Variants in TC2N observed in about 807,000 individuals in gnomAD.
TC2N encodes the protein tandem C2 domains nuclear protein.
Under a neutral mutation model 61.9 loss-of-function variants are expected in TC2N, and 51 were observed. The observed-to-expected ratio is 0.82, with a 90% CI of 0.66 to 1.04. The LOEUF (loss-of-function observed/expected upper bound fraction) is 1.04, where lower values mean the gene tolerates loss of function less well. TC2N is among the 50% of genes least tolerant of loss of function. The probability of loss-of-function intolerance (pLI) is 0.00; values close to 1 mark genes in which losing one functional copy is unlikely to be tolerated. For missense variants in TC2N, 556 were observed against 566.7 expected (o/e 0.98, Z 0.19); for synonymous variants, 204 against 192.6 (o/e 1.06, Z -0.49).
At chr14:91,857,925 T>A (rs1888513043) in intron 1 of TC2N, among the ~76,000 whole-genome samples, 2 of 152,042 alleles carry the variant, frequency 1.3e-5, no homozygotes, top group Non-Finnish European at 1.5e-5. Flanking sequence ...CAGAACAGAG[T>A]AGAAGCTTGA....
At chr14:91,818,855 T>A (rs1306267661) in intron 1 of TC2N, among the ~76,000 whole-genome samples, 1 of 151,786 alleles carries the variant, frequency 6.6e-6, no homozygotes, top group Admixed American at 6.6e-5. Flanking sequence ...AAGACTAACA[T>A]CAAAATGATA....
At chr14:91,800,471 T>C (rs1055213074) in intron 4 of TC2N, 99 bp from the exon 5 acceptor site, 2 of 587,290 alleles carry the variant, frequency 3.4e-6, no homozygotes, top group African/African-American at 3.9e-5. Flanking sequence ...TCATGAATAT[T>C]TTGTGCAAAT....
chr14:91,792,965 G>C (rs182896218), intron 8 of TC2N, among the ~76,000 whole-genome samples: 1 of 152,206 alleles, frequency 6.6e-6, no homozygotes, highest in African/African-American at 2.4e-5. Context: ...TATCTAACTT[G>C]TTCACATAAA....
chr14:91,794,333 C>T (rs1885798065), intron 8 of TC2N, among the ~76,000 whole-genome samples: 1 of 152,188 alleles, frequency 6.6e-6, no homozygotes, highest in Non-Finnish European at 1.5e-5. Context: ...CATTCAACAA[C>T]AGATTTTCAA....
At chr14:91,787,038 C>T (rs1265526153) in intron 10 of TC2N, among the ~76,000 whole-genome samples, 1 of 152,102 alleles carries the variant, frequency 6.6e-6, no homozygotes, top group African/African-American at 2.4e-5. Context: ...GCACTTCTGC[C>T]CACTCAAATC....
At chr14:91,784,791 A>C (rs899501980) in intron 11 of TC2N, among the ~76,000 whole-genome samples, 1 of 152,178 alleles carries the variant, frequency 6.6e-6, no homozygotes, top group Non-Finnish European at 1.5e-5. Context: ...CATGTTAAAC[A>C]TTAAATCAAA....
chr14:91,851,207 G>C (rs1888368547), intron 1 of TC2N, among the ~76,000 whole-genome samples: 1 of 152,180 alleles, frequency 6.6e-6, no homozygotes, highest in Non-Finnish European at 1.5e-5. Context: ...GCTGCAAAAA[G>C]ATTGGGGACC....
At chr14:91,832,544 A>G (rs943923336) in intron 1 of TC2N, among the ~76,000 whole-genome samples, 2 of 152,176 alleles carry the variant, frequency 1.3e-5, no homozygotes, top group Non-Finnish European at 2.9e-5. Flanking sequence ...ACCATTTCTC[A>G]CCCGATTGTC....
intron 1 of TC2N, among the ~76,000 whole-genome samples, chr14:91,862,882 G>GAAC (rs895317837): frequency 6.6e-6 from 1 of 152,156 alleles, no homozygotes; most frequent in African/African-American, 2.4e-5. Context: ...AGTTCCAACA[G>GAAC]AACAACAACA....
In TC2N at chr14:91,800,271, G is replaced by T. The variant is rs1421136422; in HGVS notation, c.561+10C>A. On this transcript the variant is annotated intron_variant, in intron 5 of 11. Coordinates refer to ENST00000435962, the MANE Select transcript of TC2N (RefSeq NM_001128596.3). ...TATCACATATAATTAAATTTATGTAGATAATTCACCTGGATGAATCGCTGA... is the reference window on the plus strand; with the variant it reads ...TATCACATATAATTAAATTTATGTATATAATTCACCTGGATGAATCGCTGA... 6.5e-7 allele frequency: 1 copy of T among 1,528,820 alleles called. No individual in the cohort carries two copies. Among genetic ancestry groups the T allele is most frequent in the South Asian group, 1.2e-5 (1 of 82,920 alleles). The allele number at this position is 1,528,820 out of a possible 1,614,324, so 94.7% of individuals were successfully genotyped here.
intron 11 of TC2N, 89 bp downstream of exon 11, chr14:91,785,073 T>C (rs567569276): frequency 2.3e-6 from 2 of 882,174 alleles, no homozygotes; most frequent in Non-Finnish European, 3.5e-6. Flanking sequence ...TGTACTCTAT[T>C]TGACTTTAAT....
At chr14:91,853,605 C>T (rs1490427046) in intron 1 of TC2N, among the ~76,000 whole-genome samples, 3 of 148,330 alleles carry the variant, frequency 2.0e-5, no homozygotes, top group African/African-American at 5.0e-5. Flanking sequence ...GTTCATGCTG[C>T]CCTTCACTGA....
chr14:91,802,416 C>G lies in TC2N; in HGVS notation c.307G>C (p.Ala103Pro). Residue 103 changes from alanine to proline, a missense_variant, in exon 4 of 12, where the codon GCC becomes CCC. Physicochemically the swap from Ala to Pro is conservative, Grantham distance 27. Coordinates refer to ENST00000435962, the MANE Select transcript of TC2N (RefSeq NM_001128596.3). ...TTTCGATCTCCAAAAGATGCTCTGG[C>G]AGATCCTGAAAGCAAATGTTTCTAA... The part of the protein sequence containing the change: ...PSHLEELEGS[A>P]RASFGDRKVE... The G allele has an allele frequency of 6.2e-7, 1 of 1,608,816 alleles. No homozygotes were observed.
rs1885166958 is a variant in TC2N at position 91,782,292 on chromosome 14, A to G, written c.*808T>C. 6.6e-6 allele frequency: 1 copy of G among 152,048 alleles called. No individual in the cohort carries two copies. Among genetic ancestry groups the G allele is most frequent in the Admixed American group, 6.6e-5 (1 of 15,264 alleles). 9.4% of individuals were successfully genotyped at this position (152,048 alleles called of 1,614,324 possible). On this transcript the variant is annotated 3_prime_UTR_variant, in exon 12 of 12. Coordinates refer to ENST00000435962, the MANE Select transcript of TC2N (RefSeq NM_001128596.3). The stretch of plus-strand genomic sequence containing the variant: ...ACGAAGTGATTATCATAAAATACTG[A>G]ATTTTCTATTTAAGCTCATTTAATT...
chr14:91,800,890 G>A (rs1886200116), intron 4 of TC2N, among the ~76,000 whole-genome samples: 1 of 151,606 alleles, frequency 6.6e-6, no homozygotes, highest in African/African-American at 2.4e-5. Context: ...CCTTAAATAA[G>A]CATTTCTTCT....
intron 1 of TC2N, among the ~76,000 whole-genome samples, chr14:91,816,938 T>C (rs1262236856): frequency 6.6e-6 from 1 of 151,898 alleles, no homozygotes; most frequent in African/African-American, 2.4e-5. Context: ...TTATAACATG[T>C]AGCAAGACAA....
chr14:91,857,775 G>A (rs150534387), intron 1 of TC2N, among the ~76,000 whole-genome samples: 2 of 152,152 alleles, frequency 1.3e-5, no homozygotes, highest in African/African-American at 4.8e-5. Flanking sequence ...TTCCTCTAAA[G>A]AACCAGAGTG....
chr14:91,831,379 C>T (rs1471790987), intron 1 of TC2N, among the ~76,000 whole-genome samples: 2 of 152,096 alleles, frequency 1.3e-5, no homozygotes, highest in East Asian at 1.9e-4. Context: ...AATTAAATAA[C>T]ACATTTTATT....
intron 2 of TC2N, among the ~76,000 whole-genome samples, chr14:91,812,779 GC>G (rs1886841361): frequency 6.6e-6 from 1 of 151,818 alleles, no homozygotes. Flanking sequence ...GGTAAAAGCA[GC>G]TTTAAAGAGT....
Sources: gnomAD v4.1 joint callset for allele counts (sites outside exome capture counted in the v4.1 genomes callset) on GRCh38, gnomAD v4.1.1 for gene constraint, MANE v1.5 for transcripts, NCBI Gene and HGNC (gene_info 2026-07-23, HGNC 2026-07-21) for gene names.